The following DPP10 variants were observed in gnomAD, a reference collection of about 807,000 sequenced individuals.
DPP10 encodes inactive dipeptidyl peptidase 10.
Under a neutral mutation model 120.9 loss-of-function variants are expected in DPP10, and 33 were observed. The ratio of observed to expected loss-of-function variants is 0.27; its 90% CI spans 0.21 to 0.37. The LOEUF (loss-of-function observed/expected upper bound fraction) is 0.37, where lower values mean the gene tolerates loss of function less well. Among genes scored for constraint, DPP10 ranks in the 10% least tolerant of loss-of-function variants. The pLI is 1.00. For synonymous variants in DPP10, 337 were observed against 326.1 expected (o/e 1.03, Z -0.36); for missense variants, 816 against 942.8 (o/e 0.87, Z 1.76).
chr2:115,377,686 G>A (rs1312013569), intron 3 of DPP10, among the ~76,000 whole-genome samples: 1 of 152,110 alleles, frequency 6.6e-6, no homozygotes, highest in African/African-American at 2.4e-5. Context: ...ATGGTTTTAG[G>A]TTTATCGTTT....
chr2:115,465,348 C>T (rs2105110505), intron 3 of DPP10, among the ~76,000 whole-genome samples: 1 of 152,068 alleles, frequency 6.6e-6, no homozygotes, highest in Non-Finnish European at 1.5e-5. Flanking sequence ...ATTTTATAGG[C>T]TTTGGAAGTA....
intron 1 of DPP10, among the ~76,000 whole-genome samples, chr2:114,902,177 T>A (rs1693627925): frequency 6.6e-6 from 1 of 152,214 alleles, no homozygotes; most frequent in African/African-American, 2.4e-5. Context: ...AAATCATTTA[T>A]CATCCACCTT....
chr2:115,231,406 GAA>G (rs1178028346), intron 1 of DPP10, among the ~76,000 whole-genome samples: 1 of 152,054 alleles, frequency 6.6e-6, no homozygotes, highest in East Asian at 1.9e-4. Context: ...ATTTTGCTAT[GAA>G]GAATTTAAAG....
chr2:114,590,434 T>C (rs957376715), intron 1 of DPP10, among the ~76,000 whole-genome samples: 5 of 152,196 alleles, frequency 3.3e-5, no homozygotes, highest in African/African-American at 1.2e-4. Context: ...AATTTCTAAA[T>C]ACTGCAAAGC....
At chr2:115,819,921 G>A (rs1652348818) in intron 21 of DPP10, among the ~76,000 whole-genome samples, 2 of 152,222 alleles carry the variant, frequency 1.3e-5, no homozygotes, top group African/African-American at 4.8e-5. Context: ...TTGAACCCAG[G>A]AGGCGGAGAT....
At chr2:115,245,407 T>G (rs938429756) in intron 1 of DPP10, among the ~76,000 whole-genome samples, 2 of 151,692 alleles carry the variant, frequency 1.3e-5, no homozygotes, top group Non-Finnish European at 2.9e-5. Flanking sequence ...ATCAGAGAAA[T>G]GCGAATTAAA....
chr2:115,037,767 C>T (rs906416075), intron 1 of DPP10, among the ~76,000 whole-genome samples: 1 of 152,184 alleles, frequency 6.6e-6, no homozygotes, highest in African/African-American at 2.4e-5. Context: ...GAAAGGACAA[C>T]GGTATCTACA....
intron 1 of DPP10, among the ~76,000 whole-genome samples, chr2:115,301,388 CACAG>C (rs1204077144): frequency 6.6e-6 from 1 of 151,806 alleles, no homozygotes; most frequent in Non-Finnish European, 1.5e-5. Flanking sequence ...TCAGGCAGCC[CACAG>C]ACAGGCCAGA....
chr2:115,515,102 GTAA>G (rs1172671491), intron 4 of DPP10, among the ~76,000 whole-genome samples: 2 of 151,768 alleles, frequency 1.3e-5, no homozygotes, highest in Admixed American at 6.6e-5. Context: ...AAAAAATTGT[GTAA>G]TAGCACCATA....
intron 3 of DPP10, among the ~76,000 whole-genome samples, chr2:115,401,524 G>A (rs555278385): frequency 1.4e-4 from 22 of 152,086 alleles, no homozygotes; most frequent in Non-Finnish European, 2.8e-4. Context: ...TTGAGATTAC[G>A]GTGAGCTGTG....
intron 5 of DPP10, among the ~76,000 whole-genome samples, chr2:115,589,453 A>T (rs2082490671): frequency 6.6e-6 from 1 of 152,124 alleles, no homozygotes; most frequent in Admixed American, 6.5e-5. Flanking sequence ...AGAACCTGAG[A>T]TCACTCACAG....
intron 1 of DPP10, among the ~76,000 whole-genome samples, chr2:114,714,225 G>A (rs1402644265): frequency 1.3e-5 from 2 of 151,990 alleles, no homozygotes; most frequent in Non-Finnish European, 2.9e-5. Context: ...TGACAAGCAT[G>A]CTGGGTATAA....
intron 1 of DPP10, among the ~76,000 whole-genome samples, chr2:114,564,260 T>A (rs527754228): frequency 6.6e-6 from 1 of 152,260 alleles, no homozygotes; most frequent in African/African-American, 2.4e-5. Context: ...ACAGAGACTA[T>A]TCACTAGGCC....
At chr2:115,128,058 T>C (rs1291557160) in intron 1 of DPP10, among the ~76,000 whole-genome samples, 1 of 152,220 alleles carries the variant, frequency 6.6e-6, no homozygotes, top group East Asian at 1.9e-4. Context: ...TAAACACATA[T>C]TCCCTTTTTG....
intron 1 of DPP10, among the ~76,000 whole-genome samples, chr2:114,720,268 G>A (rs1418762305): frequency 6.6e-6 from 1 of 152,130 alleles, no homozygotes; most frequent in Non-Finnish European, 1.5e-5. Context: ...TTTCTATTGA[G>A]CTTGCATGAG....
At chr2:115,605,379 C>T (rs1317422713) in intron 5 of DPP10, among the ~76,000 whole-genome samples, 1 of 152,068 alleles carries the variant, frequency 6.6e-6, no homozygotes, top group Non-Finnish European at 1.5e-5. Context: ...CCCAGGCTAT[C>T]TCTGTAAATG....
At chr2:115,839,503 G>A (rs530343292) in intron 24 of DPP10, among the ~76,000 whole-genome samples, 10 of 151,650 alleles carry the variant, frequency 6.6e-5, no homozygotes, top group East Asian at 3.9e-4. Flanking sequence ...GTGAAACCCC[G>A]TCTCTACTAG....
chr2:114,443,699 GAA>G lies in DPP10; in HGVS notation c.60+875_60+876del, dbSNP rs5833543. ...ATGGATTCGTCTGAAACTCTTTTAT[GAA>G]AAAAAAAAAAAAACTAAAACAAAAA... On this transcript the variant is annotated intron_variant, in intron 1 of 25. Coordinates refer to ENST00000410059, the MANE Select transcript of DPP10 (RefSeq NM_020868.6). 5.3e-3 allele frequency among the ~76,000 whole-genome samples: 739 copies of G among 138,692 alleles called. 4 individuals carry two copies. The highest frequency in any genetic ancestry group is 8.3e-3 in the Admixed American group (113 of 13,686). 91.0% of individuals were successfully genotyped at this position (138,692 alleles called of 152,430 possible).
intron 1 of DPP10, among the ~76,000 whole-genome samples, chr2:114,991,340 T>C (rs115206655): frequency 0.026 from 3,989 of 152,272 alleles, 194 homozygotes; most frequent in African/African-American, 0.089. Flanking sequence ...TGTAAGGCAT[T>C]GGCCTAAAAA....
Sources: allele counts gnomAD v4.1 joint callset (sites outside exome capture counted in the v4.1 genomes callset), GRCh38; gene constraint gnomAD v4.1.1; transcripts MANE v1.5; gene names NCBI Gene and HGNC (gene_info 2026-07-23, HGNC 2026-07-21).